Variants in ZNF608 observed in about 807,000 individuals in gnomAD.
ZNF608 encodes zinc finger protein 608.
ZNF608 carries 12 observed loss-of-function variants against 109.0 expected under a neutral mutation model. The ratio of observed to expected loss-of-function variants is 0.11; its 90% CI spans 0.07 to 0.18. The LOEUF is 0.18. Among genes scored for constraint, ZNF608 ranks in the 10% least tolerant of loss-of-function variants. The probability of loss-of-function intolerance (pLI) is 1.00; values close to 1 mark genes in which losing one functional copy is unlikely to be tolerated. For missense variants in ZNF608, 1,707 were observed against 1,879.3 expected (o/e 0.91, Z 1.70); for synonymous variants, 732 against 717.4 (o/e 1.02, Z -0.33).
intron 3 of ZNF608, among the ~76,000 whole-genome samples, chr5:124,692,375 T>C (rs1752659713): frequency 6.6e-6 from 1 of 152,246 alleles, no homozygotes; most frequent in Non-Finnish European, 1.5e-5. Flanking sequence ...GCACTGACTC[T>C]GTGCCAGGCG....
intron 3 of ZNF608, among the ~76,000 whole-genome samples, chr5:124,673,382 G>A (rs1387071742): frequency 6.6e-6 from 1 of 152,136 alleles, no homozygotes. Flanking sequence ...TAACTAGTTG[G>A]TGGATTAAGC....
Position 124,649,125 on chromosome 5 carries a change from T to C in ZNF608, c.1259A>G (p.Glu420Gly). Residue 420 changes from glutamate (E) to glycine (G), a missense_variant, in exon 5 of 10, where the codon GAG becomes GGG. Glu to Gly is a moderately conservative substitution (Grantham distance 98). Transcript: ENST00000513986. ...CATCTCCAGGTCACTTGTCGGTGAC[T>C]CACAAAACCTATGGAAGCAAGTAAC... ...KHDWAPPRFC[E>G]SPTSDLEMRG... is the part of the protein sequence containing the mutation. The C allele has an allele frequency of 6.4e-7, 1 of 1,556,484 alleles. No individual in the cohort carries two copies. Among genetic ancestry groups the C allele is most frequent in the Non-Finnish European group, 8.6e-7 (1 of 1,157,210 alleles).
chr5:124,680,845 T>A (rs554449931), intron 3 of ZNF608, among the ~76,000 whole-genome samples: 26 of 151,788 alleles, frequency 1.7e-4, no homozygotes, highest in African/African-American at 5.8e-4. Flanking sequence ...GCAATGCCAA[T>A]AACCAAAATA....
chr5:124,699,150 C>G (rs768494400), intron 3 of ZNF608, among the ~76,000 whole-genome samples: 2 of 152,202 alleles, frequency 1.3e-5, no homozygotes, highest in Non-Finnish European at 2.9e-5. Context: ...AACAAATTCA[C>G]TGTGACCTTA....
chr5:124,657,284 C>T (rs1247885152), intron 3 of ZNF608, among the ~76,000 whole-genome samples: 1 of 152,016 alleles, frequency 6.6e-6, no homozygotes, highest in South Asian at 2.1e-4. Flanking sequence ...TAGATGGTGA[C>T]GATATTTTCA....
chr5:124,714,790 C>G (rs975728808), intron 2 of ZNF608, among the ~76,000 whole-genome samples: 1 of 152,168 alleles, frequency 6.6e-6, no homozygotes, highest in Non-Finnish European at 1.5e-5. Context: ...ATGGCTAAAC[C>G]AACACATTAA....
chr5:124,717,492 C>A (rs1181887877), intron 2 of ZNF608, among the ~76,000 whole-genome samples: 2 of 152,060 alleles, frequency 1.3e-5, no homozygotes, highest in Non-Finnish European at 2.9e-5. Flanking sequence ...TAAATAAATT[C>A]ATTTTTTAAA....
At chr5:124,743,988 G>T in intron 2 of ZNF608, 96 bp downstream of exon 2, 1 of 1,475,524 alleles carries the variant, frequency 6.8e-7, no homozygotes, top group African/African-American at 1.4e-5. Flanking sequence ...GAACCAGAAA[G>T]CATAAAGTGT....
At chr5:124,655,909 C>A (rs1396357340) in intron 3 of ZNF608, among the ~76,000 whole-genome samples, 2 of 152,198 alleles carry the variant, frequency 1.3e-5, no homozygotes, top group Non-Finnish European at 2.9e-5. Context: ...AAATGTACAA[C>A]TAAGGTTGCT....
intron 3 of ZNF608, among the ~76,000 whole-genome samples, chr5:124,682,657 A>C (rs1315715156): frequency 2.0e-5 from 3 of 152,254 alleles, no homozygotes; most frequent in Non-Finnish European, 1.5e-5. Context: ...GCAATTTATA[A>C]TTCTGGCATG....
rs190455379 is a variant in ZNF608, at chr5:124,724,449, C to T, written c.906+19635G>A. Among the ~76,000 whole-genome samples the T allele has an allele frequency of 7.2e-4, 104 of 144,312 alleles. 4 individuals are homozygous for T. Among genetic ancestry groups the T allele is most frequent in the Admixed American group, 7.2e-3 (100 of 13,914 alleles). The allele number at this position is 144,312 out of a possible 152,430, so 94.7% of individuals were successfully genotyped here. On this transcript the variant is annotated intron_variant, in intron 2 of 9. Transcript: ENST00000513986. ...TAATTTCTCAGGGCTCTGGACCAGT[C>T]TCCTAAGTAGGAGACATGGTCAAAC... is the stretch of plus-strand genomic sequence containing the variant.
chr5:124,726,195 C>A (rs918803855), intron 2 of ZNF608, among the ~76,000 whole-genome samples: 3 of 152,154 alleles, frequency 2.0e-5, no homozygotes, highest in Non-Finnish European at 1.5e-5. Flanking sequence ...TTTCTTCCCC[C>A]TCAATGGACA....
At chr5:124,679,275 G>C (rs567346943) in intron 3 of ZNF608, among the ~76,000 whole-genome samples, 1 of 152,188 alleles carries the variant, frequency 6.6e-6, no homozygotes, top group African/African-American at 2.4e-5. Flanking sequence ...AGCAACATGG[G>C]AGGGAGCGGG....
At chr5:124,644,165 A>C in intron 6 of ZNF608, 79 bp downstream of exon 6, 3 of 1,310,458 alleles carry the variant, frequency 2.3e-6, no homozygotes, top group Non-Finnish European at 3.1e-6. Flanking sequence ...TGAAGCTTCT[A>C]ATTTATCTTG....
intron 3 of ZNF608, among the ~76,000 whole-genome samples, chr5:124,688,182 T>A (rs972836430): frequency 3.3e-5 from 5 of 152,124 alleles, no homozygotes; most frequent in African/African-American, 1.2e-4. Context: ...TTTAAAAGTA[T>A]CTTTTAACTT....
Position 124,639,122 on chromosome 5 carries a change from A to T in ZNF608, c.4532+11T>A, listed in dbSNP as rs200287740. 9 of 1,612,686 alleles carry T rather than the reference A, an allele frequency of 5.6e-6. No individual in the cohort carries two copies. Among genetic ancestry groups the T allele is most frequent in the Non-Finnish European group, 7.6e-6 (9 of 1,178,882 alleles). Reference sequence around the variant, plus strand: ...TATCTACAACTAATTAAAAATGTAGAGGATATTTACCTTCTTTGTCCAGGA... The same window carrying T: ...TATCTACAACTAATTAAAAATGTAGTGGATATTTACCTTCTTTGTCCAGGA... On this transcript the variant is annotated intron_variant, in intron 9 of 9. Transcript: ENST00000513986.
At chr5:124,716,481 T>C (rs1403906230) in intron 2 of ZNF608, among the ~76,000 whole-genome samples, 3 of 152,138 alleles carry the variant, frequency 2.0e-5, no homozygotes, top group Non-Finnish European at 4.4e-5. Flanking sequence ...CCCTAAAATA[T>C]ACTAGGAAAA....
upstream of ZNF608, among the ~76,000 whole-genome samples, chr5:124,748,239 T>C (rs1749708874): frequency 6.6e-6 from 1 of 152,170 alleles, no homozygotes; most frequent in Non-Finnish European, 1.5e-5. Flanking sequence ...AGCTAGAGAA[T>C]TGACACTGCA....
chr5:124,664,839 A>T (rs1360726017), intron 3 of ZNF608, among the ~76,000 whole-genome samples: 2 of 152,208 alleles, frequency 1.3e-5, no homozygotes, highest in African/African-American at 4.8e-5. Flanking sequence ...TGATAGTGGT[A>T]TGTTGGAGGC....
Sources: allele counts gnomAD v4.1 joint callset (sites outside exome capture counted in the v4.1 genomes callset), GRCh38; gene constraint gnomAD v4.1.1; transcripts MANE v1.5; gene names NCBI Gene and HGNC (gene_info 2026-07-23, HGNC 2026-07-21).